Variants in RORB observed in about 807,000 individuals in gnomAD.
The protein encoded by RORB is nuclear receptor ROR-beta.
A neutral mutation model predicts 59.1 loss-of-function variants in RORB; 6 were observed. That is an observed-to-expected ratio of 0.10 (90% CI 0.06 to 0.20). The LOEUF (loss-of-function observed/expected upper bound fraction) is 0.20. RORB is among the 10% of genes least tolerant of loss of function. The pLI is 1.00. For missense variants in RORB, 320 were observed against 560.5 expected (o/e 0.57, Z 4.33); for synonymous variants, 215 against 204.5 (o/e 1.05, Z -0.44).
intron 1 of RORB, among the ~76,000 whole-genome samples, chr9:74,513,479 T>A (rs1825968428): frequency 6.6e-6 from 1 of 152,100 alleles, no homozygotes; most frequent in African/African-American, 2.4e-5. Context: ...TTGTGTGATT[T>A]TTATCAATTG....
intron 1 of RORB, among the ~76,000 whole-genome samples, chr9:74,549,150 T>TA (rs1429737968): frequency 6.6e-6 from 1 of 152,164 alleles, no homozygotes; most frequent in Non-Finnish European, 1.5e-5. Context: ...CCACATTGTT[T>TA]AAGACTGCTT....
chr9:74,556,615 ACT>A (rs1250712886), intron 1 of RORB, among the ~76,000 whole-genome samples: 1 of 152,106 alleles, frequency 6.6e-6, no homozygotes, highest in African/African-American at 2.4e-5. Flanking sequence ...TGCACCACAC[ACT>A]GTTTTACTTT....
intron 4 of RORB, among the ~76,000 whole-genome samples, chr9:74,650,366 G>A (rs997381467): frequency 6.6e-6 from 1 of 152,214 alleles, no homozygotes; most frequent in African/African-American, 2.4e-5. Context: ...GGAAGAGCTG[G>A]TAAGAGTTAA....
At chr9:74,588,979 C>T (rs1822849401) in intron 1 of RORB, among the ~76,000 whole-genome samples, 1 of 151,828 alleles carries the variant, frequency 6.6e-6, no homozygotes, top group Non-Finnish European at 1.5e-5. Flanking sequence ...GTGAAGGCTT[C>T]ATGTTCATGC....
intron 1 of RORB, among the ~76,000 whole-genome samples, chr9:74,612,504 C>A (rs977383803): frequency 1.3e-5 from 2 of 152,192 alleles, no homozygotes; most frequent in African/African-American, 4.8e-5. Flanking sequence ...CCTGAACACA[C>A]GCTAGATCCA....
intron 1 of RORB, among the ~76,000 whole-genome samples, chr9:74,543,327 G>GAAC (rs770368175): frequency 2.6e-5 from 4 of 152,180 alleles, no homozygotes; most frequent in Non-Finnish European, 4.4e-5. Context: ...GGACGGTGTG[G>GAAC]AACACCCCTT....
intron 1 of RORB, among the ~76,000 whole-genome samples, chr9:74,566,538 T>G (rs1822471889): frequency 6.6e-6 from 1 of 152,198 alleles, no homozygotes. Context: ...GGCTCACACC[T>G]GTAATCCCAA....
intron 1 of RORB, among the ~76,000 whole-genome samples, chr9:74,530,205 T>C (rs1256638698): frequency 6.6e-6 from 1 of 152,040 alleles, no homozygotes; most frequent in Non-Finnish European, 1.5e-5. Context: ...TAGATTTTGG[T>C]GGTTGAGGAA....
intron 1 of RORB, among the ~76,000 whole-genome samples, chr9:74,540,025 A>T (rs1299470195): frequency 6.6e-6 from 1 of 152,156 alleles, no homozygotes; most frequent in Non-Finnish European, 1.5e-5. Context: ...TTTCAGTGTG[A>T]TAGAGAGGGA....
At chr9:74,554,987 G>C (rs1822262443) in intron 1 of RORB, among the ~76,000 whole-genome samples, 1 of 152,162 alleles carries the variant, frequency 6.6e-6, no homozygotes, top group Admixed American at 6.5e-5. Flanking sequence ...AAAAGACCTA[G>C]AGAGAAACGT....
chr9:74,540,539 G>A (rs553326763), intron 1 of RORB, among the ~76,000 whole-genome samples: 33 of 152,078 alleles, frequency 2.2e-4, no homozygotes, highest in Admixed American at 5.2e-4. Flanking sequence ...AAATATATTC[G>A]TAACTTCCTC....
chr9:74,680,656 G>A (rs1431817520), intron 9 of RORB, among the ~76,000 whole-genome samples: 1 of 152,040 alleles, frequency 6.6e-6, no homozygotes, highest in Non-Finnish European at 1.5e-5. Flanking sequence ...TGACTCAACA[G>A]AAACCAAAAA....
intron 1 of RORB, among the ~76,000 whole-genome samples, chr9:74,599,237 A>G (rs1823017768): frequency 1.3e-5 from 2 of 152,010 alleles, no homozygotes; most frequent in South Asian, 4.1e-4. Flanking sequence ...ACACATACCT[A>G]TGGAATTAAG....
intron 4 of RORB, among the ~76,000 whole-genome samples, chr9:74,643,228 C>T (rs1823840680): frequency 6.6e-6 from 1 of 152,154 alleles, no homozygotes; most frequent in Non-Finnish European, 1.5e-5. Flanking sequence ...AACTCTTCCT[C>T]TAAGATAAAT....
In RORB at chr9:74,498,358, C is replaced by G. The variant is rs564086598; in HGVS notation, c.7+375C>G. On this transcript the variant is annotated intron_variant, in intron 1 of 9. Transcript: ENST00000376896. ...TGGACAGGAGCAGTTTGGAAGCGCC[C>G]GGCGCGCAGTGGTCGCCGGCCGGGT... 16 of 190,322 alleles carry G rather than the reference C, an allele frequency of 8.4e-5. No individual in the cohort carries two copies. The South Asian group carries it at 2.8e-3, about 33-fold the overall frequency. The allele number at this position is 190,322 out of a possible 1,614,324, so 11.8% of individuals were successfully genotyped here. A position where few individuals can be genotyped will look rare whatever the true frequency, so the allele number is the denominator to read the frequency against.
At chr9:74,620,131 T>C (rs942957486) in intron 1 of RORB, among the ~76,000 whole-genome samples, 1 of 152,200 alleles carries the variant, frequency 6.6e-6, no homozygotes, top group African/African-American at 2.4e-5. Context: ...CAGCTCCTTT[T>C]TGTACCTCTG....
chr9:74,579,741 T>C (rs146775981), intron 1 of RORB, among the ~76,000 whole-genome samples: 1 of 152,254 alleles, frequency 6.6e-6, no homozygotes, highest in East Asian at 1.9e-4. Context: ...CAGATTTTTA[T>C]TTCAATTGGT....
At chr9:74,586,249 G>C (rs547858856) in intron 1 of RORB, among the ~76,000 whole-genome samples, 24 of 152,226 alleles carry the variant, frequency 1.6e-4, no homozygotes, top group African/African-American at 5.5e-4. Context: ...TGTAAACCCA[G>C]CACTTTGGGA....
chr9:74,658,664 G>A (rs370835419), intron 4 of RORB, among the ~76,000 whole-genome samples: 1 of 152,020 alleles, frequency 6.6e-6, no homozygotes, highest in East Asian at 1.9e-4. Context: ...AAAATCTTTT[G>A]TTAACATTAT....
Sources: allele counts gnomAD v4.1 joint callset (sites outside exome capture counted in the v4.1 genomes callset), GRCh38; gene constraint gnomAD v4.1.1; transcripts MANE v1.5; gene names NCBI Gene and HGNC (gene_info 2026-07-23, HGNC 2026-07-21).